The following ARHGEF18 variants were observed in gnomAD, a reference collection of about 807,000 sequenced individuals.
The protein encoded by ARHGEF18 is rho guanine nucleotide exchange factor 18.
Under a neutral mutation model 155.7 loss-of-function variants are expected in ARHGEF18, and 93 were observed. That is an observed-to-expected ratio of 0.60 (90% CI 0.50 to 0.71). The LOEUF is 0.71. ARHGEF18 is among the 30% of genes least tolerant of loss of function. The pLI, the probability that ARHGEF18 is intolerant of heterozygous loss-of-function variation, is 0.00. For synonymous variants in ARHGEF18, 742 were observed against 753.1 expected, an observed-to-expected ratio of 0.99 and a Z score of 0.24; for missense variants, 1,593 against 1,816.1, an observed-to-expected ratio of 0.88 and a Z score of 2.23.
chr19:7,360,154 A>AAACAACAACAAC (rs144434108), intron 1 of ARHGEF18, among the ~76,000 whole-genome samples: 1 of 151,708 alleles, frequency 6.6e-6, no homozygotes, highest in Non-Finnish European at 1.5e-5. Flanking sequence ...TCTTGAAACA[A>AAACAACAACAAC]AACAACAACA....
At chr19:7,469,282 C>A in intron 27 of ARHGEF18, 151 bp downstream of exon 27, 2 of 1,003,564 alleles carry the variant, frequency 2.0e-6, no homozygotes, top group African/African-American at 1.6e-5. Flanking sequence ...TGAGGCCACC[C>A]CACACAGGGC....
intron 10 of ARHGEF18, among the ~76,000 whole-genome samples, chr19:7,385,859 CTCTCTCT>C (rs1970998998): frequency 9.1e-6 from 1 of 109,458 alleles, no homozygotes; most frequent in Non-Finnish European, 1.8e-5. Flanking sequence ...CTCTCTCTCT[CTCTCTCT>C]CTCTCCCCCC....
chr19:7,456,408 G>A lies in ARHGEF18; in HGVS notation c.2181+5G>A, dbSNP rs1064793002. 5 of 1,613,562 alleles carry A rather than the reference G, an allele frequency of 3.1e-6. No homozygotes were observed. The highest frequency in any genetic ancestry group is 4.2e-6 in the Non-Finnish European group (5 of 1,179,506). ...AAATACGTCTTTGCTTCTGTGGTAT[G>A]TATCCTGTCTCTTCAGACGAAGGGT... On this transcript the variant is annotated splice_donor_5th_base_variant and intron_variant, in intron 18 of 28. Coordinates refer to ENST00000668164, the MANE Select transcript of ARHGEF18 (RefSeq NM_001367823.1).
chr19:7,435,199 CA>C (rs572479060), intron 10 of ARHGEF18, among the ~76,000 whole-genome samples: 116 of 143,050 alleles, frequency 8.1e-4, no homozygotes, highest in Non-Finnish European at 7.4e-4. Context: ...GACTCCATCT[CA>C]AAAAAAAAAA....
At chr19:7,381,784 G>A (rs1344621273) in intron 8 of ARHGEF18, among the ~76,000 whole-genome samples, 1 of 152,160 alleles carries the variant, frequency 6.6e-6, no homozygotes, top group Non-Finnish European at 1.5e-5. Flanking sequence ...GATGGGGACA[G>A]TATGAGGACC....
At chr19:7,375,294 GAAAGAAAGA>G (rs1282789933) in intron 3 of ARHGEF18, among the ~76,000 whole-genome samples, 5 of 70,866 alleles carry the variant, frequency 7.1e-5, no homozygotes, top group African/African-American at 2.1e-4. Flanking sequence ...AGAAAGAAAA[GAAAGAAAGA>G]AAAGAAAGAA....
At chr19:7,448,661 C>CA (rs1162101306) in intron 15 of ARHGEF18, among the ~76,000 whole-genome samples, 1 of 146,186 alleles carries the variant, frequency 6.8e-6, no homozygotes, top group Non-Finnish European at 1.5e-5. Context: ...AACTCCGTCT[C>CA]AAAAAAATAC....
At chr19:7,468,711 G>A in intron 26 of ARHGEF18, 114 bp from the exon 27 acceptor site, 1 of 1,185,300 alleles carries the variant, frequency 8.4e-7, no homozygotes, top group Non-Finnish European at 1.2e-6. Flanking sequence ...GGCTGCACCT[G>A]GCTCTGTCCA....
At chr19:7,428,518 G>A (rs12983052) in intron 10 of ARHGEF18, among the ~76,000 whole-genome samples, 80,785 of 151,458 alleles carry the variant, frequency 0.53, 21,876 homozygotes, top group Middle Eastern at 0.74. Flanking sequence ...TTGGCCTTCT[G>A]AAGAGATTTT....
At chr19:7,354,348 G>A (rs1444308250) in intron 1 of ARHGEF18, among the ~76,000 whole-genome samples, 1 of 151,964 alleles carries the variant, frequency 6.6e-6, no homozygotes, top group Non-Finnish European at 1.5e-5. Flanking sequence ...GCTCATGCCT[G>A]TTATCCCAGC....
the ARHGEF18 span, among the ~76,000 whole-genome samples, chr19:7,478,677 G>A: frequency 1.3e-5 from 2 of 152,238 alleles, no homozygotes; most frequent in African/African-American, 2.4e-5. Flanking sequence ...AGCCCCGTGA[G>A]GTGTTCACAG....
chr19:7,442,382 G>C (rs1004533819), intron 13 of ARHGEF18, among the ~76,000 whole-genome samples: 1 of 151,920 alleles, frequency 6.6e-6, no homozygotes, highest in Admixed American at 6.6e-5. Flanking sequence ...CACAGGCATG[G>C]GCCACTACAC....
chr19:7,467,177 G>C, intron 25 of ARHGEF18, 37 bp from the exon 26 acceptor site: 1 of 1,578,844 alleles, frequency 6.3e-7, no homozygotes, highest in African/African-American at 1.3e-5. Context: ...TGGGGCGCAG[G>C]TGCGGCTCTC....
intron 10 of ARHGEF18, among the ~76,000 whole-genome samples, chr19:7,404,737 C>T (rs1972209190): frequency 2.0e-5 from 3 of 152,078 alleles, no homozygotes; most frequent in Non-Finnish European, 4.4e-5. Context: ...AGTATTTTAG[C>T]ATGAGGATAG....
intron 10 of ARHGEF18, among the ~76,000 whole-genome samples, chr19:7,404,766 G>T (rs990706267): frequency 2.0e-5 from 3 of 152,094 alleles, no homozygotes; most frequent in African/African-American, 7.2e-5. Flanking sequence ...TGGTCTGGAA[G>T]GTTCGCCTGA....
intron 10 of ARHGEF18, chr19:7,394,962 C>T: frequency 3.8e-6 from 3 of 798,550 alleles, no homozygotes; most frequent in Non-Finnish European, 4.5e-6. Context: ...GTGCCCGCGC[C>T]CCTCTCAAGG....
At chr19:7,423,116 C>T (rs894172697) in intron 10 of ARHGEF18, among the ~76,000 whole-genome samples, 7 of 152,176 alleles carry the variant, frequency 4.6e-5, no homozygotes, top group Admixed American at 2.6e-4. Context: ...GATTAATAGC[C>T]GGGAGGAGCT....
At chr19:7,418,682 G>A (rs1260138166) in intron 10 of ARHGEF18, among the ~76,000 whole-genome samples, 5 of 152,070 alleles carry the variant, frequency 3.3e-5, no homozygotes, top group Non-Finnish European at 4.4e-5. Context: ...TCTCGGAGGT[G>A]GGGGTTTGAG....
chr19:7,398,816 G>T (rs1449808456), intron 10 of ARHGEF18, among the ~76,000 whole-genome samples: 1 of 151,900 alleles, frequency 6.6e-6, no homozygotes, highest in African/African-American at 2.4e-5. Flanking sequence ...ATTGTTTCTG[G>T]CATAGCTGTA....
Sources: allele counts gnomAD v4.1 joint callset (sites outside exome capture counted in the v4.1 genomes callset), GRCh38; gene constraint gnomAD v4.1.1; transcripts MANE v1.5; gene names NCBI Gene and HGNC (gene_info 2026-07-23, HGNC 2026-07-21).